SPAST: variants seen among roughly 807,000 people sequenced by gnomAD.
SPAST encodes the protein spastin, also known as spastic paraplegia 4 (autosomal dominant; spastin).
A neutral mutation model predicts 76.6 loss-of-function variants in SPAST; 30 were observed. The observed-to-expected ratio is 0.39, with a 90% CI of 0.29 to 0.53. SPAST has a LOEUF of 0.53. Ranked by LOEUF, SPAST falls within the 20% of genes least tolerant of loss-of-function variation. The pLI, the probability that SPAST is intolerant of heterozygous loss-of-function variation, is 0.68. For synonymous variants in SPAST, 305 were observed against 281.0 expected (o/e 1.09, Z -0.86); for missense variants, 717 against 770.5 (o/e 0.93, Z 0.82).
chr2:32,091,582 C>T, intron 3 of SPAST, among the ~76,000 whole-genome samples: 1 of 149,674 alleles, frequency 6.7e-6, no homozygotes, highest in East Asian at 2.1e-4. Context: ...CCTGTAATCC[C>T]AGCACTTTGG....
At position 32,114,804 on chromosome 2, in the gene SPAST, T is replaced by C. The variant is rs1678763397; in HGVS notation, c.849T>C (p.Gly283=). The C allele has an allele frequency of 4.3e-6, 7 of 1,614,086 alleles. No homozygotes were observed. The highest frequency in any genetic ancestry group is 5.9e-6 in the Non-Finnish European group (7 of 1,179,914). The change falls in exon 5 of 17, where the codon GGT becomes GGC. Residue 283 remains glycine, a synonymous_variant. Transcript: ENST00000315285. ...SMVSGVKQGS[G]PAPTTHKGTP... is the part of the protein sequence containing the mutation. ...TTTCTGGAGTGAAACAGGGATCTGG[T>C]CCTGCTCCTACCACTCATAAGGTAT...
chr2:32,082,390 A>G (rs541201639), intron 1 of SPAST, among the ~76,000 whole-genome samples: 1 of 152,164 alleles, frequency 6.6e-6, no homozygotes, highest in East Asian at 1.9e-4. Context: ...ATGTTGGAAT[A>G]TCATGTTTGT....
At position 32,063,852 on chromosome 2, in the gene SPAST, A is replaced by T. The variant is rs780095803; in HGVS notation, c.21A>T (p.Arg7=). The change falls in exon 1 of 17, where the codon CGA becomes CGT. Residue 7 remains arginine (R), a synonymous_variant. Coordinates refer to ENST00000315285, the MANE Select transcript of SPAST (RefSeq NM_014946.4). ...TGTGAATGAATTCTCCGGGTGGACG[A>T]GGGAAGAAGAAAGGCTCCGGCGGCG... The part of the protein sequence containing the change: MNSPGG[R]GKKKGSGGAS... 4.8e-5 allele frequency: 76 copies of T among 1,582,210 alleles called. No individual in the cohort carries two copies. The highest frequency in any genetic ancestry group is 6.4e-5 in the Non-Finnish European group (75 of 1,170,588).
intron 1 of SPAST, among the ~76,000 whole-genome samples, chr2:32,076,716 A>G (rs1345167850): frequency 6.6e-6 from 1 of 152,020 alleles, no homozygotes; most frequent in Non-Finnish European, 1.5e-5. Context: ...AACAGGGGCC[A>G]TAATCAGTAG....
chr2:32,105,202 T>G (rs1678274057), intron 4 of SPAST, among the ~76,000 whole-genome samples: 1 of 152,200 alleles, frequency 6.6e-6, no homozygotes, highest in Admixed American at 6.5e-5. Context: ...TTCATTCATT[T>G]GATCTTCAAT....
intron 7 of SPAST, among the ~76,000 whole-genome samples, chr2:32,125,899 A>G (rs1389107433): frequency 6.6e-6 from 1 of 151,846 alleles, no homozygotes; most frequent in African/African-American, 2.4e-5. Context: ...GGTTCACGCC[A>G]TTTTCCTGCC....
intron 12 of SPAST, among the ~76,000 whole-genome samples, chr2:32,139,144 T>C (rs79921196): frequency 3.9e-5 from 6 of 152,236 alleles, no homozygotes; most frequent in Admixed American, 3.9e-4. Context: ...TTGGACTCTT[T>C]TTTTGCTTCC....
At chr2:32,150,725 C>T (rs888889829) in intron 16 of SPAST, among the ~76,000 whole-genome samples, 7 of 151,960 alleles carry the variant, frequency 4.6e-5, no homozygotes, top group African/African-American at 1.7e-4. Context: ...GACACCGTGC[C>T]AGACTTGAAA....
At chr2:32,070,498 C>G (rs1288212064) in intron 1 of SPAST, among the ~76,000 whole-genome samples, 1 of 152,162 alleles carries the variant, frequency 6.6e-6, no homozygotes, top group East Asian at 1.9e-4. Flanking sequence ...TTTATTAAAG[C>G]AAATATTAAT....
intron 4 of SPAST, among the ~76,000 whole-genome samples, chr2:32,110,696 A>T (rs1355096798): frequency 7.2e-6 from 1 of 139,296 alleles, no homozygotes; most frequent in Non-Finnish European, 1.5e-5. Context: ...TACTGTATAT[A>T]TAGTGTACAT....
intron 16 of SPAST, among the ~76,000 whole-genome samples, chr2:32,151,880 C>T (rs1680096911): frequency 6.7e-6 from 1 of 150,184 alleles, no homozygotes; most frequent in African/African-American, 2.5e-5. Context: ...CACTGCACTC[C>T]AGTCTGTGCG....
At chr2:32,076,501 C>T (rs1350732557) in intron 1 of SPAST, among the ~76,000 whole-genome samples, 1 of 152,084 alleles carries the variant, frequency 6.6e-6, no homozygotes, top group East Asian at 1.9e-4. Flanking sequence ...GGACTACAGA[C>T]ATGAGCCATC....
chr2:32,109,818 A>G (rs1490558022), intron 4 of SPAST, among the ~76,000 whole-genome samples: 1 of 149,180 alleles, frequency 6.7e-6, no homozygotes, highest in Non-Finnish European at 1.5e-5. Flanking sequence ...ACACACATAC[A>G]TATATAGTTA....
chr2:32,135,817 A>T (rs1178515432), intron 9 of SPAST, among the ~76,000 whole-genome samples: 3 of 152,182 alleles, frequency 2.0e-5, no homozygotes, highest in South Asian at 4.1e-4. Flanking sequence ...TAGGAAAGAT[A>T]GGATTGGAAA....
Position 32,126,970 on chromosome 2 carries a change from C to T in SPAST, c.1121C>T (p.Pro374Leu), listed in dbSNP as rs1471030618. 6.2e-7 allele frequency: 1 copy of T among 1,612,342 alleles called. No homozygotes were observed. The highest frequency in any genetic ancestry group is 8.5e-7 in the Non-Finnish European group (1 of 1,178,560). Residue 374 changes from proline to leucine, a missense_variant, in exon 8 of 17, where the codon CCT becomes CTT. Pro to Leu is a moderately conservative substitution (Grantham distance 98). Coordinates refer to ENST00000315285, the MANE Select transcript of SPAST (RefSeq NM_014946.4). The stretch of plus-strand genomic sequence containing the variant: ...TAGTTGTTCACAGGGCTTAGAGCTC[C>T]TGCCAGAGGGCTGTTACTCTTTGGT... ...RPELFTGLRA[P>L]ARGLLLFGPP... is the part of the protein sequence containing the mutation.
chr2:32,148,757 G>A (rs1224765893), intron 16 of SPAST, among the ~76,000 whole-genome samples: 1 of 151,392 alleles, frequency 6.6e-6, no homozygotes, highest in Non-Finnish European at 1.5e-5. Context: ...CTTGCAGTGA[G>A]CCGAGATCGT....
At chr2:32,088,755 C>G (rs1008338279) in intron 2 of SPAST, among the ~76,000 whole-genome samples, 1 of 152,112 alleles carries the variant, frequency 6.6e-6, no homozygotes, top group Non-Finnish European at 1.5e-5. Context: ...CTTTTCATCA[C>G]TTAGAATTTG....
At chr2:32,064,295 TGGGGTCGCCGGGGGA>T in intron 1 of SPAST, 49 bp downstream of exon 1, 3 of 213,220 alleles carry the variant, frequency 1.4e-5, no homozygotes, top group South Asian at 6.1e-5. Context: ...AAGAAGGCGG[TGGGGTCGCCGGGGGA>T]GGGCAACACC....
At chr2:32,095,669 G>T (rs1005932157) in intron 3 of SPAST, among the ~76,000 whole-genome samples, 5 of 151,984 alleles carry the variant, frequency 3.3e-5, no homozygotes, top group African/African-American at 4.8e-5. Context: ...AGCTCAGGAG[G>T]TCGAGACTGC....
Sources: gnomAD v4.1 joint callset for allele counts (sites outside exome capture counted in the v4.1 genomes callset) on GRCh38, gnomAD v4.1.1 for gene constraint, MANE v1.5 for transcripts, NCBI Gene and HGNC (gene_info 2026-07-23, HGNC 2026-07-21) for gene names.